Variants in CSNK2A2IP observed in about 807,000 individuals in gnomAD.
CSNK2A2IP encodes casein kinase 2 subunit alpha' interacting protein, also known as casein kinase II subunit alpha'-interacting protein.
At chr3:88,457,651 G>A in the CSNK2A2IP span, among the ~76,000 whole-genome samples, 1 of 150,154 alleles carries the variant, frequency 6.7e-6, no homozygotes, top group South Asian at 2.1e-4. Context: ...AGCCGAGATC[G>A]TGCTATTGCA....
the CSNK2A2IP span, among the ~76,000 whole-genome samples, chr3:88,338,855 T>C: frequency 6.6e-6 from 1 of 152,152 alleles, no homozygotes; most frequent in Non-Finnish European, 1.5e-5. Flanking sequence ...GAGGTGGCTG[T>C]AAATAAACTA....
the CSNK2A2IP span, among the ~76,000 whole-genome samples, chr3:88,423,548 C>A: frequency 6.6e-6 from 1 of 152,064 alleles, no homozygotes; most frequent in African/African-American, 2.4e-5. Flanking sequence ...AGAACAGGTC[C>A]TTGTAGCATG....
chr3:88,401,106 A>C, the CSNK2A2IP span, among the ~76,000 whole-genome samples: 3 of 152,328 alleles, frequency 2.0e-5, no homozygotes, highest in African/African-American at 7.2e-5. Flanking sequence ...TGAGCAGTAT[A>C]TAATTTGTCT....
At chr3:88,383,018 T>G in the CSNK2A2IP span, among the ~76,000 whole-genome samples, 1 of 152,192 alleles carries the variant, frequency 6.6e-6, no homozygotes, top group Non-Finnish European at 1.5e-5. Context: ...TAAAACAGTT[T>G]ACACTGTAGG....
chr3:88,351,454 C>G, the CSNK2A2IP span, among the ~76,000 whole-genome samples: 1 of 151,820 alleles, frequency 6.6e-6, no homozygotes, highest in South Asian at 2.1e-4. Flanking sequence ...GTAGAAAATT[C>G]AGACAGAGGC....
At chr3:88,356,314 T>A in the CSNK2A2IP span, among the ~76,000 whole-genome samples, 3 of 152,116 alleles carry the variant, frequency 2.0e-5, no homozygotes, top group African/African-American at 7.2e-5. Flanking sequence ...ATTCAATTTT[T>A]TTTTTAGCTC....
At chr3:88,376,857 T>C in the CSNK2A2IP span, among the ~76,000 whole-genome samples, 446 of 151,942 alleles carry the variant, frequency 2.9e-3, 2 homozygotes, top group African/African-American at 0.01. Context: ...TGAATTCTTA[T>C]CCTCTTTAAC....
chr3:88,436,600 AAAG>A, the CSNK2A2IP span, among the ~76,000 whole-genome samples: 1 of 152,142 alleles, frequency 6.6e-6, no homozygotes. Context: ...TTTTAAAAGG[AAAG>A]AAATACTACA....
At chr3:88,344,265 T>G in the CSNK2A2IP span, among the ~76,000 whole-genome samples, 13 of 122,710 alleles carry the variant, frequency 1.1e-4, no homozygotes, top group Non-Finnish European at 1.3e-4. Flanking sequence ...CAAAATTTTC[T>G]TTTTAGAAAA....
the CSNK2A2IP span, among the ~76,000 whole-genome samples, chr3:88,398,523 T>A: frequency 6.6e-6 from 1 of 152,158 alleles, no homozygotes; most frequent in African/African-American, 2.4e-5. Flanking sequence ...GCGTATATAC[T>A]TAAAAATTCT....
At chr3:88,408,040 A>G in the CSNK2A2IP span, among the ~76,000 whole-genome samples, 2 of 152,178 alleles carry the variant, frequency 1.3e-5, no homozygotes, top group Non-Finnish European at 2.9e-5. Flanking sequence ...ATTTATTTTT[A>G]TATGTAATAA....
chr3:88,384,792 C>A, the CSNK2A2IP span, among the ~76,000 whole-genome samples: 7 of 152,022 alleles, frequency 4.6e-5, no homozygotes, highest in African/African-American at 1.7e-4. Flanking sequence ...ATAATAGAAA[C>A]AAGAGAAGTG....
At chr3:88,465,903 A>G in the CSNK2A2IP span, 3 of 1,231,670 alleles carry the variant, frequency 2.4e-6, no homozygotes, top group African/African-American at 3.1e-5. Flanking sequence ...TCTCAAGTTC[A>G]TCATTATTTC....
At chr3:88,396,033 G>A in the CSNK2A2IP span, among the ~76,000 whole-genome samples, 32 of 151,328 alleles carry the variant, frequency 2.1e-4, no homozygotes, top group African/African-American at 6.8e-4. Context: ...ATGAGTTTAC[G>A]ATCTAGGAGA....
At chr3:88,351,394 C>T in the CSNK2A2IP span, among the ~76,000 whole-genome samples, 2 of 151,866 alleles carry the variant, frequency 1.3e-5, no homozygotes, top group Non-Finnish European at 2.9e-5. Context: ...GCTTCAAAGA[C>T]GATGTTAATT....
the CSNK2A2IP span, among the ~76,000 whole-genome samples, chr3:88,450,963 C>T: frequency 2.0e-5 from 3 of 152,038 alleles, no homozygotes; most frequent in African/African-American, 7.2e-5. Context: ...ATCTACATTT[C>T]CAATAGTGCA....
At chr3:88,338,696 C>T in the CSNK2A2IP span, 66,614 of 151,864 alleles carry the variant, frequency 0.44, 15,857 homozygotes, top group South Asian at 0.62. Flanking sequence ...TAAAGTCCTT[C>T]TGTGTTGTAT....
chr3:88,402,603 C>T, the CSNK2A2IP span, among the ~76,000 whole-genome samples: 22 of 152,024 alleles, frequency 1.4e-4, no homozygotes, highest in African/African-American at 5.3e-4. Flanking sequence ...AAAAGGCAAT[C>T]TCTTAAGAAT....
At chr3:88,403,353 GTA>G in the CSNK2A2IP span, among the ~76,000 whole-genome samples, 1 of 152,090 alleles carries the variant, frequency 6.6e-6, no homozygotes, top group Non-Finnish European at 1.5e-5. Flanking sequence ...ATTGAAAAAT[GTA>G]ACTTTATTCT....
Sources: allele counts gnomAD v4.1 joint callset (sites outside exome capture counted in the v4.1 genomes callset), GRCh38; gene constraint gnomAD v4.1.1; transcripts MANE v1.5; gene names NCBI Gene and HGNC (gene_info 2026-07-23, HGNC 2026-07-21).